Variants in PIWIL1 observed in about 807,000 individuals in gnomAD.
PIWIL1 encodes piwi like RNA-mediated gene silencing 1.
A neutral mutation model predicts 114.4 loss-of-function variants in PIWIL1; 73 were observed. The observed-to-expected ratio is 0.64, with a 90% CI of 0.53 to 0.78. PIWIL1 has a LOEUF of 0.78. Among genes scored for constraint, PIWIL1 ranks in the 30% least tolerant of loss-of-function variants. The pLI is 0.00. For missense variants in PIWIL1, 723 were observed against 1,063.1 expected, an observed-to-expected ratio of 0.68 and a Z score of 4.45; for synonymous variants, 375 against 369.0, an observed-to-expected ratio of 1.02 and a Z score of -0.19.
chr12:130,364,021 C>G (rs533892344), intron 18 of PIWIL1, among the ~76,000 whole-genome samples: 1 of 152,272 alleles, frequency 6.6e-6, no homozygotes, highest in South Asian at 2.1e-4. Flanking sequence ...CCTCTGCTCT[C>G]CTACAGACAT....
At chr12:130,385,484 A>G in the PIWIL1 span, among the ~76,000 whole-genome samples, 2 of 152,138 alleles carry the variant, frequency 1.3e-5, no homozygotes, top group African/African-American at 4.8e-5. Flanking sequence ...GAAACAAAAC[A>G]CCCACTCAAA....
intron 1 of PIWIL1, among the ~76,000 whole-genome samples, chr12:130,340,036 A>G (rs2072860210): frequency 6.6e-6 from 1 of 152,158 alleles, no homozygotes; most frequent in South Asian, 2.1e-4. Flanking sequence ...TGGAGAAGCT[A>G]TGGAGTGCAG....
chr12:130,406,227 C>A, the PIWIL1 span: 1 of 1,603,448 alleles, frequency 6.2e-7, no homozygotes, highest in Non-Finnish European at 8.5e-7. Flanking sequence ...ATCTCCTGTG[C>A]AAAATGTAAG....
At chr12:130,405,473 C>T in the PIWIL1 span, among the ~76,000 whole-genome samples, 1 of 152,282 alleles carries the variant, frequency 6.6e-6, no homozygotes, top group East Asian at 1.9e-4. Flanking sequence ...CTGGGCTCTG[C>T]GCAGGGTCCT....
chr12:130,339,214 C>T (rs1170213658), intron 1 of PIWIL1, among the ~76,000 whole-genome samples: 3 of 152,010 alleles, frequency 2.0e-5, no homozygotes, highest in Non-Finnish European at 4.4e-5. Context: ...GGGGTCCTCG[C>T]GGGTGCTGGC....
At chr12:130,373,928 G>A (rs968262754), downstream of PIWIL1, among the ~76,000 whole-genome samples, 2 of 152,144 alleles carry the variant, frequency 1.3e-5, no homozygotes, top group African/African-American at 4.8e-5. Flanking sequence ...CACGTGGGAT[G>A]TGCGTATCTG....
the PIWIL1 span, among the ~76,000 whole-genome samples, chr12:130,402,868 T>G: frequency 6.6e-6 from 1 of 152,168 alleles, no homozygotes; most frequent in Non-Finnish European, 1.5e-5. Context: ...GATTTAAGGT[T>G]TCAGATACCG....
At chr12:130,367,008 T>C in intron 18 of PIWIL1, 125 bp from the exon 19 acceptor site, 1 of 1,112,514 alleles carries the variant, frequency 9.0e-7, no homozygotes, top group Non-Finnish European at 1.3e-6. Context: ...CTCCACAACC[T>C]GGACAGATGA....
At chr12:130,376,826 C>T (rs190402476), downstream of PIWIL1, among the ~76,000 whole-genome samples, 4 of 152,234 alleles carry the variant, frequency 2.6e-5, no homozygotes, top group Middle Eastern at 3.2e-3. Context: ...TGCTTACAGT[C>T]CCACTATGGA....
intron 12 of PIWIL1, among the ~76,000 whole-genome samples, chr12:130,355,958 A>G (rs1321137990): frequency 2.0e-5 from 3 of 152,150 alleles, no homozygotes; most frequent in Non-Finnish European, 4.4e-5. Context: ...ACACCCCAGG[A>G]GGAGAAAACG....
At chr12:130,378,923 A>G in the PIWIL1 span, among the ~76,000 whole-genome samples, 1 of 152,216 alleles carries the variant, frequency 6.6e-6, no homozygotes, top group Non-Finnish European at 1.5e-5. Context: ...CTTAAGTATC[A>G]TTCGAAGAGA....
the PIWIL1 span, among the ~76,000 whole-genome samples, chr12:130,409,331 GCTTT>G: frequency 4.6e-5 from 5 of 109,394 alleles, no homozygotes; most frequent in South Asian, 1.0e-3. Flanking sequence ...ACAAAATGTA[GCTTT>G]TTTTTTTTTT....
chr12:130,340,003 T>C (rs1224381164), intron 1 of PIWIL1, among the ~76,000 whole-genome samples: 1 of 152,172 alleles, frequency 6.6e-6, no homozygotes, highest in African/African-American at 2.4e-5. Context: ...TGCAAAGGCA[T>C]CAATTGTGAT....
At chr12:130,393,646 C>T in the PIWIL1 span, among the ~76,000 whole-genome samples, 12 of 150,392 alleles carry the variant, frequency 8.0e-5, no homozygotes, top group East Asian at 1.6e-3. Context: ...TTCACTAGAC[C>T]GGTATTGGAT....
intron 1 of PIWIL1, among the ~76,000 whole-genome samples, chr12:130,341,543 G>A (rs745649681): frequency 6.6e-5 from 10 of 152,216 alleles, no homozygotes; most frequent in Non-Finnish European, 1.5e-4. Context: ...TGTAAATAAC[G>A]TGTATTAACA....
the PIWIL1 span, among the ~76,000 whole-genome samples, chr12:130,399,973 T>A: frequency 6.6e-6 from 1 of 152,214 alleles, no homozygotes; most frequent in Admixed American, 6.5e-5. Context: ...GGTTTCCAAA[T>A]TTTCCTCAGC....
chr12:130,399,085 C>T, the PIWIL1 span: 1 of 1,288,526 alleles, frequency 7.8e-7, no homozygotes, highest in Non-Finnish European at 1.0e-6. Context: ...AAGTTGGTAT[C>T]TTTATCGGTA....
rs147087823 is a variant in PIWIL1, at chr12:130,338,099, C to T, written c.-60C>T. 1,802 of 217,510 alleles carry T rather than the reference C, an allele frequency of 8.3e-3. 25 individuals are homozygous for T. Among genetic ancestry groups the T allele is most frequent in the African/African-American group, 0.033 (1,375 of 41,702 alleles). The allele number at this position is 217,510 out of a possible 1,614,324, so 13.5% of individuals were successfully genotyped here. ...CGGGAGCCGTTGGGGCTGTTGGCCTCGGGCTGAGGTGCAAGGACCAGGACT... is the reference window on the plus strand; with the variant it reads ...CGGGAGCCGTTGGGGCTGTTGGCCTTGGGCTGAGGTGCAAGGACCAGGACT... On this transcript the variant is annotated 5_prime_UTR_variant, in exon 1 of 21. Transcript: ENST00000245255.
At chr12:130,367,365 A>G in intron 19 of PIWIL1, 107 bp downstream of exon 19, 1 of 1,087,320 alleles carries the variant, frequency 9.2e-7, no homozygotes, top group Non-Finnish European at 1.3e-6. Context: ...TTGTTCTTAT[A>G]TTTTTTATAA....
Sources: allele counts gnomAD v4.1 joint callset (sites outside exome capture counted in the v4.1 genomes callset), GRCh38; gene constraint gnomAD v4.1.1; transcripts MANE v1.5; gene names NCBI Gene and HGNC (gene_info 2026-07-23, HGNC 2026-07-21).